The following DNAH14 variants were observed in gnomAD, a reference collection of about 807,000 sequenced individuals.
The protein encoded by DNAH14 is dynein axonemal heavy chain 14.
Under a neutral mutation model 520.9 loss-of-function variants are expected in DNAH14, and 478 were observed. That is an observed-to-expected ratio of 0.92 (90% CI 0.85 to 0.99). The LOEUF is 0.99. Ranked by LOEUF, DNAH14 falls within the 50% of genes least tolerant of loss-of-function variation. The pLI is 0.00. For missense variants in DNAH14, 4,831 were observed against 5,234.5 expected, an observed-to-expected ratio of 0.92 and a Z score of 2.38; for synonymous variants, 1,581 against 1,757.2, an observed-to-expected ratio of 0.90 and a Z score of 2.51.
At chr1:225,364,934 G>A (rs1000587757) in intron 76 of DNAH14, 40 bp downstream of exon 76, 114 of 1,396,248 alleles carry the variant, frequency 8.2e-5, no homozygotes, top group Non-Finnish European at 1.1e-4. Context: ...TGACTGAGGA[G>A]CCCTGTTTGA....
In DNAH14 at chr1:225,119,218, AG is replaced by A. The variant is rs2148870070; in HGVS notation, c.4092del. ...TGATATTATTTTTGAAACTAATTTT[AG>A]GAAAATTCGTGTAAGAAGTGCTGTA... On this transcript the variant is annotated splice_acceptor_variant, in intron 25 of 85. Coordinates refer to ENST00000682510, the MANE Select transcript of DNAH14 (RefSeq NM_001367479.1). LOFTEE classifies it high-confidence loss of function. 1 of 1,517,054 alleles carries A rather than the reference AG, an allele frequency of 6.6e-7. No individual in the cohort carries two copies. The highest frequency in any genetic ancestry group is 2.5e-5 in the East Asian group (1 of 40,080). The allele number at this position is 1,517,054 out of a possible 1,614,324, so 94.0% of individuals were successfully genotyped here. A position where few individuals can be genotyped will look rare whatever the true frequency, so the allele number is the denominator to read the frequency against.
chr1:224,957,823 A>G (rs949307362), intron 3 of DNAH14, among the ~76,000 whole-genome samples: 1 of 152,150 alleles, frequency 6.6e-6, no homozygotes, highest in East Asian at 1.9e-4. Context: ...TAAATGAGGA[A>G]ATAGAGTTAG....
chr1:225,261,997 G>A (rs778937049), intron 46 of DNAH14, among the ~76,000 whole-genome samples: 2 of 151,868 alleles, frequency 1.3e-5, no homozygotes, highest in Admixed American at 1.3e-4. Context: ...ATTTTAAGTC[G>A]ATTTTTTTTA....
chr1:225,177,053 T>G (rs968199440), intron 36 of DNAH14, among the ~76,000 whole-genome samples: 4 of 152,140 alleles, frequency 2.6e-5, no homozygotes, highest in Non-Finnish European at 5.9e-5. Flanking sequence ...TAGAGACTTG[T>G]TGAATGGCTT....
rs1224503336 is a variant in DNAH14 at position 225,119,241 on chromosome 1, T to C, written c.4113T>C (p.Ala1371=). 4 of 1,526,758 alleles carry C rather than the reference T, an allele frequency of 2.6e-6. No homozygotes were observed. The Admixed American group carries it at 6.2e-5, about 24-fold the overall frequency. 94.6% of individuals were successfully genotyped at this position (1,526,758 alleles called of 1,614,324 possible). Residue 1371 remains alanine (A), a synonymous_variant, in exon 26 of 86, where the codon GCT becomes GCC. Transcript: ENST00000682510. ...VLPKKIRVRS[A]VEQWLVNVEK... is the part of the protein sequence containing the mutation. ...TTAGGAAAATTCGTGTAAGAAGTGC[T>C]GTAGAACAGTGGCTGGTAAATGTAG... is the stretch of plus-strand genomic sequence containing the variant.
chr1:225,117,811 A>G, intron 24 of DNAH14, 23 bp downstream of exon 24: 1 of 1,531,190 alleles, frequency 6.5e-7, no homozygotes, highest in Non-Finnish European at 8.9e-7. Context: ...TTCTCTGCTC[A>G]GCAATATTAT....
intron 38 of DNAH14, among the ~76,000 whole-genome samples, chr1:225,202,018 G>C (rs1190386453): frequency 1.3e-5 from 2 of 151,964 alleles, no homozygotes; most frequent in African/African-American, 4.8e-5. Flanking sequence ...TGGGATTACA[G>C]GTGCCTGCCA....
intron 60 of DNAH14, among the ~76,000 whole-genome samples, chr1:225,312,119 C>T (rs1278789069): frequency 1.3e-5 from 2 of 152,092 alleles, no homozygotes; most frequent in Non-Finnish European, 2.9e-5. Flanking sequence ...TCTCTTATTT[C>T]CTTGAGCTGT....
At chr1:225,101,892 A>G (rs1031884677) in intron 23 of DNAH14, among the ~76,000 whole-genome samples, 7 of 144,020 alleles carry the variant, frequency 4.9e-5, no homozygotes, top group Admixed American at 1.4e-4. Flanking sequence ...GAATTGCTGA[A>G]TCTTTTTTTT....
At chr1:224,986,361 T>TA (rs532400909) in intron 8 of DNAH14, among the ~76,000 whole-genome samples, 2 of 129,568 alleles carry the variant, frequency 1.5e-5, no homozygotes, top group East Asian at 2.1e-4. Context: ...CCAATATCCC[T>TA]AAAAAAAAAT....
intron 71 of DNAH14, among the ~76,000 whole-genome samples, chr1:225,348,900 G>T (rs1347621368): frequency 1.3e-5 from 2 of 152,116 alleles, no homozygotes; most frequent in African/African-American, 4.8e-5. Context: ...TATGTTAATG[G>T]ATATGCAATA....
chr1:225,135,355 C>A (rs920355463), intron 27 of DNAH14, among the ~76,000 whole-genome samples: 1 of 152,110 alleles, frequency 6.6e-6, no homozygotes, highest in Non-Finnish European at 1.5e-5. Context: ...TATGTTGTCT[C>A]TTTGTTCTCA....
At position 224,941,632 on chromosome 1, in the gene DNAH14, A is replaced by G. The variant is rs1278261717; in HGVS notation, c.-33-11038A>G. 2.0e-5 allele frequency among the ~76,000 whole-genome samples: 3 copies of G among 152,096 alleles called. No homozygotes were observed. In the East Asian group the frequency reaches 5.8e-4, roughly 29 times the overall value. On this transcript the variant is annotated intron_variant, in intron 1 of 85. Transcript: ENST00000682510. ...GCCTAGGTTTTCTTCCAGGGTTTTT[A>G]TGGTTTTAGGTCTAACATTTAAGTC...
intron 55 of DNAH14, among the ~76,000 whole-genome samples, chr1:225,291,368 G>T (rs1031326250): frequency 6.6e-6 from 1 of 151,988 alleles, no homozygotes; most frequent in Non-Finnish European, 1.5e-5. Context: ...CTTTTCTTTG[G>T]ATAAATGCCC....
chr1:225,024,205 C>G (rs942678876), intron 11 of DNAH14: 3 of 990,434 alleles, frequency 3.0e-6, no homozygotes, highest in Non-Finnish European at 2.4e-6. Flanking sequence ...TCTGGCAATT[C>G]TGTGCCTAAG....
rs183581832 is a variant in DNAH14, at chr1:225,227,816, C to T, written c.6440-3257C>T. Among the ~76,000 whole-genome samples, 21 of 152,212 alleles carry T rather than the reference C, an allele frequency of 1.4e-4. No individual in the cohort carries two copies. The East Asian group carries it at 1.9e-3, about 14-fold the overall frequency. ...CGTAATTCCAGTAACAATTATATTA[C>T]GAACGTTATTCATAATCACACAGAT... is the stretch of plus-strand genomic sequence containing the variant. On this transcript the variant is annotated intron_variant, in intron 41 of 85. Transcript: ENST00000682510.
intron 15 of DNAH14, 74 bp from the exon 16 acceptor site, chr1:225,050,136 A>G: frequency 7.9e-7 from 1 of 1,271,240 alleles, no homozygotes; most frequent in African/African-American, 1.5e-5. Flanking sequence ...ATAGTTCTAG[A>G]TGTCATGGAT....
At chr1:225,137,659 TTGTC>T (rs1372659143) in intron 27 of DNAH14, among the ~76,000 whole-genome samples, 7 of 152,106 alleles carry the variant, frequency 4.6e-5, no homozygotes, top group Non-Finnish European at 1.0e-4. Flanking sequence ...TAGCCTCTGT[TTGTC>T]TTTCTTTTAA....
intron 1 of DNAH14, among the ~76,000 whole-genome samples, chr1:224,945,723 G>A (rs71527018): frequency 6.6e-6 from 1 of 152,292 alleles, no homozygotes; most frequent in African/African-American, 2.4e-5. Context: ...GGACCCTCAG[G>A]TGCAGGTCTG....
Sources: gnomAD v4.1 joint callset for allele counts (sites outside exome capture counted in the v4.1 genomes callset) on GRCh38, gnomAD v4.1.1 for gene constraint, MANE v1.5 for transcripts, NCBI Gene and HGNC (gene_info 2026-07-23, HGNC 2026-07-21) for gene names.